RYR2: variants seen among roughly 807,000 people sequenced by gnomAD.
The protein encoded by RYR2 is cardiac muscle ryanodine receptor-calcium release channel.
A neutral mutation model predicts 601.1 loss-of-function variants in RYR2; 227 were observed. The ratio of observed to expected loss-of-function variants is 0.38; its 90% confidence interval spans 0.34 to 0.42. The LOEUF (loss-of-function observed/expected upper bound fraction) is 0.42, where lower values mean the gene tolerates loss of function less well. Among genes scored for constraint, RYR2 ranks in the 10% least tolerant of loss-of-function variants. RYR2 has a pLI of 1.00. For missense variants in RYR2, 4,646 were observed against 6,156.5 expected (o/e 0.75, Z 8.21); for synonymous variants, 2,223 against 2,175.1 (o/e 1.02, Z -0.61).
intron 1 of RYR2, among the ~76,000 whole-genome samples, chr1:237,195,157 A>G (rs1222212832): frequency 6.6e-6 from 1 of 152,246 alleles, no homozygotes; most frequent in Non-Finnish European, 1.5e-5. Flanking sequence ...CTCATTGTAT[A>G]CATTTTATAA....
chr1:237,055,549 A>T (rs1179062822), intron 1 of RYR2, among the ~76,000 whole-genome samples: 2 of 152,108 alleles, frequency 1.3e-5, no homozygotes, highest in Non-Finnish European at 2.9e-5. Flanking sequence ...GAAAGGGTTT[A>T]TGGGGTTGGT....
At chr1:237,642,059 T>C (rs1681613650) in intron 47 of RYR2, among the ~76,000 whole-genome samples, 1 of 152,166 alleles carries the variant, frequency 6.6e-6, no homozygotes, top group South Asian at 2.1e-4. Context: ...AGTTTGAGAG[T>C]TTGAAACACA....
intron 2 of RYR2, among the ~76,000 whole-genome samples, chr1:237,322,864 T>TAAA (rs1184016902): frequency 6.6e-4 from 97 of 147,724 alleles, no homozygotes; most frequent in African/African-American, 2.2e-3. Flanking sequence ...AATTTTTTTT[T>TAAA]AAAAAAAAAA....
intron 10 of RYR2, among the ~76,000 whole-genome samples, chr1:237,395,336 A>T (rs1349947199): frequency 6.6e-6 from 1 of 152,204 alleles, no homozygotes; most frequent in Non-Finnish European, 1.5e-5. Context: ...TAAAAAGTTA[A>T]CAAAAAAGCT....
At chr1:237,594,887 T>TTTTTTTTGG in intron 33 of RYR2, among the ~76,000 whole-genome samples, 1 of 10,078 alleles carries the variant, frequency 9.9e-5, no homozygotes, top group South Asian at 5.9e-3. Context: ...TATCACTGGG[T>TTTTTTTTGG]TTTTTTTTTT....
intron 56 of RYR2, among the ~76,000 whole-genome samples, chr1:237,665,703 G>C (rs1191980138): frequency 1.3e-5 from 2 of 152,122 alleles, no homozygotes; most frequent in African/African-American, 4.8e-5. Context: ...GTTAAGTATC[G>C]CTCATGAGCC....
chr1:237,096,798 T>C (rs1025377704), intron 1 of RYR2, among the ~76,000 whole-genome samples: 4 of 152,258 alleles, frequency 2.6e-5, no homozygotes, highest in Non-Finnish European at 5.9e-5. Context: ...ACCTGTTTTC[T>C]ATGACATAGT....
chr1:237,820,516 T>C (rs933992077), intron 101 of RYR2, among the ~76,000 whole-genome samples: 5 of 152,140 alleles, frequency 3.3e-5, no homozygotes, highest in African/African-American at 9.7e-5. Flanking sequence ...TTTCCCATGG[T>C]CTTCGCAACC....
chr1:237,590,139 T>G, intron 30 of RYR2, 138 bp downstream of exon 30: 1 of 779,980 alleles, frequency 1.3e-6, no homozygotes, highest in Non-Finnish European at 2.0e-6. Context: ...TAGTGGAATC[T>G]AAGCAAAGAT....
At chr1:237,483,278 T>C (rs1238398569) in intron 17 of RYR2, among the ~76,000 whole-genome samples, 2 of 152,228 alleles carry the variant, frequency 1.3e-5, no homozygotes, top group South Asian at 2.1e-4. Context: ...CTGTTGATCT[T>C]TGTTTCATTT....
In RYR2 at chr1:237,789,647, G is replaced by GTGTT. The variant is rs1230766370; in HGVS notation, c.13476+1514_13476+1517dup. On this transcript the variant is annotated intron_variant, in intron 92 of 104. Transcript: ENST00000366574. The stretch of plus-strand genomic sequence containing the variant: ...GCACCCCAGTGGGTTCCTGAAGAAT[G>GTGTT]TGTTTAACTACAGTTGTGTAAACCA... 3.3e-5 allele frequency among the ~76,000 whole-genome samples: 4 copies of GTGTT among 120,320 alleles called. No individual in the cohort carries two copies. In the Admixed American group the frequency reaches 3.6e-4, roughly 11 times the overall value. The allele number at this position is 120,320 out of a possible 152,430, so 78.9% of individuals were successfully genotyped here.
intron 11 of RYR2, among the ~76,000 whole-genome samples, chr1:237,419,534 T>C (rs1375781234): frequency 6.6e-6 from 1 of 152,212 alleles, no homozygotes; most frequent in Non-Finnish European, 1.5e-5. Context: ...GATGATCTTA[T>C]GGTCAGCCAC....
intron 58 of RYR2, among the ~76,000 whole-genome samples, chr1:237,670,261 C>G (rs947407974): frequency 7.1e-6 from 1 of 140,404 alleles, no homozygotes; most frequent in Non-Finnish European, 1.5e-5. Flanking sequence ...TTCGGCTCGG[C>G]ATCAGAGGGA....
At chr1:237,421,729 T>G (rs1053694079) in intron 11 of RYR2, among the ~76,000 whole-genome samples, 5 of 152,214 alleles carry the variant, frequency 3.3e-5, no homozygotes, top group African/African-American at 1.2e-4. Context: ...ATATTTACTT[T>G]TTCTTTGACT....
chr1:237,498,197 G>T (rs2150459565), intron 20 of RYR2, among the ~76,000 whole-genome samples: 1 of 151,988 alleles, frequency 6.6e-6, no homozygotes, highest in South Asian at 2.1e-4. Context: ...TACATAAAAG[G>T]TATATATATA....
chr1:237,340,614 T>C (rs1285583431), intron 3 of RYR2, among the ~76,000 whole-genome samples: 1 of 152,206 alleles, frequency 6.6e-6, no homozygotes, highest in East Asian at 1.9e-4. Flanking sequence ...TAGTCTAACT[T>C]AACCTTATTT....
At chr1:237,379,043 G>A (rs1701247293) in intron 8 of RYR2, among the ~76,000 whole-genome samples, 1 of 152,156 alleles carries the variant, frequency 6.6e-6, no homozygotes, top group Admixed American at 6.5e-5. Flanking sequence ...CATTAATTAA[G>A]CTCTTGCTAT....
rs578016920 is a variant in RYR2, at chr1:237,708,762, A to C, written c.9902-96A>C. On this transcript the variant is annotated intron_variant, in intron 68 of 104. Transcript: ENST00000366574. ...CCTTAAGGAAGTCATGTGCTGGAGA[A>C]GGAGGCTTTAATTATGTTACAATTG... The C allele has an allele frequency of 5.1e-5, 57 of 1,108,456 alleles. No individual in the cohort carries two copies. The South Asian group carries it at 8.3e-4, about 16-fold the overall frequency. The allele number at this position is 1,108,456 out of a possible 1,614,324, so 68.7% of individuals were successfully genotyped here. A position where few individuals can be genotyped will look rare whatever the true frequency, so the allele number is the denominator to read the frequency against.
intron 16 of RYR2, among the ~76,000 whole-genome samples, chr1:237,465,719 A>T (rs1660014534): frequency 6.6e-6 from 1 of 152,202 alleles, no homozygotes; most frequent in African/African-American, 2.4e-5. Flanking sequence ...CGTCTACGCT[A>T]TACGGGATGG....
Sources: allele counts gnomAD v4.1 joint callset (sites outside exome capture counted in the v4.1 genomes callset), GRCh38; gene constraint gnomAD v4.1.1; transcripts MANE v1.5; gene names NCBI Gene and HGNC (gene_info 2026-07-23, HGNC 2026-07-21).